The following MAML3 variants were observed in gnomAD, a reference collection of about 807,000 sequenced individuals.
MAML3 encodes mastermind-like protein 3.
In MAML3, 27 loss-of-function variants were observed where a neutral mutation model predicts 101.9. The observed-to-expected ratio is 0.27, with a 90% CI of 0.20 to 0.37. The LOEUF is 0.37. Among genes scored for constraint, MAML3 ranks in the 10% least tolerant of loss-of-function variants. The pLI is 1.00. For synonymous variants in MAML3, 501 were observed against 555.9 expected, an observed-to-expected ratio of 0.90 and a Z score of 1.39; for missense variants, 1,316 against 1,444.9, an observed-to-expected ratio of 0.91 and a Z score of 1.45.
chr4:139,936,578 T>C (rs1156754524), intron 1 of MAML3, among the ~76,000 whole-genome samples: 1 of 152,218 alleles, frequency 6.6e-6, no homozygotes, highest in Non-Finnish European at 1.5e-5. Flanking sequence ...ACACTTGTAG[T>C]TCCACCTACT....
chr4:139,982,192 T>C (rs921715932), intron 1 of MAML3, among the ~76,000 whole-genome samples: 1 of 152,252 alleles, frequency 6.6e-6, no homozygotes, highest in African/African-American at 2.4e-5. Context: ...TATAGATTCA[T>C]GGATGTTTAC....
Position 139,968,044 on chromosome 4 carries a change from C to T in MAML3, c.469-77077G>A, listed in dbSNP as rs557642025. Among the ~76,000 whole-genome samples the T allele has an allele frequency of 2.0e-5, 3 of 151,460 alleles. No homozygotes were observed. The East Asian group carries it at 5.8e-4, about 29-fold the overall frequency. The stretch of plus-strand genomic sequence containing the variant: ...CTGTAATCCCAGCACTTTGGGAGGC[C>T]AAGGCGGGTAGATTACCTGAGGTCA... On this transcript the variant is annotated intron_variant, in intron 1 of 4. Transcript: ENST00000509479.
At chr4:139,957,959 T>C (rs1029730475) in intron 1 of MAML3, among the ~76,000 whole-genome samples, 2 of 152,216 alleles carry the variant, frequency 1.3e-5, no homozygotes, top group Non-Finnish European at 1.5e-5. Context: ...TAAGTATATA[T>C]GTATAAATTA....
At chr4:140,054,136 G>A (rs1161832340) in intron 1 of MAML3, among the ~76,000 whole-genome samples, 1 of 152,094 alleles carries the variant, frequency 6.6e-6, no homozygotes, top group Non-Finnish European at 1.5e-5. Flanking sequence ...TTGGGAGGCC[G>A]GAACAGGCAG....
chr4:139,890,865 G>C lies in MAML3; in HGVS notation c.571C>G (p.Arg191Gly). ...CDGNFSPTSK[R>G]IRKDISAGME... ...CCCGCAGAAATGTCCTTTCGAATTC[G>C]TTTGCTAGTCGGAGAAAAATTCCCA... Residue 191 changes from arginine to glycine, a missense_variant, in exon 2 of 5, where the codon CGA becomes GGA. Transcript: ENST00000509479. The surrounding 1 kb of genome is among the most constrained non-coding windows in gnomAD (Gnocchi z 4.1). The C allele has an allele frequency of 6.2e-7, 1 of 1,613,866 alleles. No homozygotes were observed. The highest frequency in any genetic ancestry group is 8.5e-7 in the Non-Finnish European group (1 of 1,179,828).
intron 2 of MAML3, among the ~76,000 whole-genome samples, chr4:139,763,379 G>A (rs1472674733): frequency 1.3e-5 from 2 of 152,308 alleles, no homozygotes; most frequent in East Asian, 1.9e-4. Flanking sequence ...GCAGCTGCTC[G>A]GAGTCGGCTG....
At chr4:139,973,122 C>T (rs1288811095) in intron 1 of MAML3, among the ~76,000 whole-genome samples, 1 of 152,174 alleles carries the variant, frequency 6.6e-6, no homozygotes, top group Non-Finnish European at 1.5e-5. Flanking sequence ...ATAAATCAAG[C>T]TACTTGGCTC....
intron 1 of MAML3, among the ~76,000 whole-genome samples, chr4:139,903,713 A>G (rs1275919420): frequency 6.6e-6 from 1 of 152,238 alleles, no homozygotes; most frequent in Non-Finnish European, 1.5e-5. Context: ...TCTACCAGCA[A>G]AGGGGAGATG....
At chr4:140,124,241 G>A (rs895909575) in intron 1 of MAML3, among the ~76,000 whole-genome samples, 1 of 152,134 alleles carries the variant, frequency 6.6e-6, no homozygotes, top group African/African-American at 2.4e-5. Context: ...GCACACTGTC[G>A]TGTCTATGTT....
At chr4:139,778,119 G>A (rs1279154956) in intron 2 of MAML3, among the ~76,000 whole-genome samples, 1 of 152,222 alleles carries the variant, frequency 6.6e-6, no homozygotes, top group Non-Finnish European at 1.5e-5. Context: ...CAACTGACAC[G>A]CTGGGGTGAT....
At chr4:140,101,397 C>G (rs1728250167) in intron 1 of MAML3, among the ~76,000 whole-genome samples, 1 of 152,144 alleles carries the variant, frequency 6.6e-6, no homozygotes, top group African/African-American at 2.4e-5. Context: ...TCACCAGGCT[C>G]TTGGACAGTT....
At chr4:140,137,050 G>A (rs1448124464) in intron 1 of MAML3, among the ~76,000 whole-genome samples, 2 of 152,322 alleles carry the variant, frequency 1.3e-5, no homozygotes, top group African/African-American at 2.4e-5. Context: ...CTGCAGTGGC[G>A]CTATCTCGGC....
At chr4:139,903,033 G>C (rs1732757435) in intron 1 of MAML3, among the ~76,000 whole-genome samples, 1 of 152,196 alleles carries the variant, frequency 6.6e-6, no homozygotes, top group Non-Finnish European at 1.5e-5. Flanking sequence ...CCGATCCAAT[G>C]TTTTCATCTC....
chr4:139,796,143 T>TA (rs1257803268), intron 2 of MAML3, among the ~76,000 whole-genome samples: 4 of 152,234 alleles, frequency 2.6e-5, no homozygotes, highest in Non-Finnish European at 5.9e-5. Context: ...AAACAAAGGA[T>TA]AAGATCTGTC....
intron 1 of MAML3, among the ~76,000 whole-genome samples, chr4:139,996,449 G>A (rs1734815734): frequency 6.6e-6 from 1 of 151,976 alleles, no homozygotes; most frequent in Non-Finnish European, 1.5e-5. Flanking sequence ...TCTGTACTTA[G>A]TTTAATATAT....
intron 1 of MAML3, among the ~76,000 whole-genome samples, chr4:139,923,772 A>G (rs1405702072): frequency 6.6e-6 from 1 of 152,164 alleles, no homozygotes; most frequent in Non-Finnish European, 1.5e-5. Context: ...TTGATAACTC[A>G]TAGGGTCATA....
intron 2 of MAML3, among the ~76,000 whole-genome samples, chr4:139,736,139 C>CA (rs1728935928): frequency 6.6e-6 from 1 of 152,154 alleles, no homozygotes; most frequent in African/African-American, 2.4e-5. Flanking sequence ...CTCACTCACT[C>CA]ACTCTGAATT....
intron 2 of MAML3, among the ~76,000 whole-genome samples, chr4:139,755,830 T>C (rs974163439): frequency 6.6e-6 from 1 of 152,142 alleles, no homozygotes; most frequent in Non-Finnish European, 1.5e-5. Flanking sequence ...TGGATCAAGA[T>C]ATGGCAACAG....
chr4:139,766,081 C>T (rs1276778733), intron 2 of MAML3, among the ~76,000 whole-genome samples: 5 of 152,108 alleles, frequency 3.3e-5, no homozygotes, highest in African/African-American at 9.6e-5. Context: ...CTTCTTAGTT[C>T]CCCCTTTTCC....
Sources: gnomAD v4.1 joint callset for allele counts (sites outside exome capture counted in the v4.1 genomes callset) on GRCh38, gnomAD v4.1.1 for gene constraint, Gnocchi (gnomAD v3.1) non-coding constraint, MANE v1.5 for transcripts, NCBI Gene and HGNC (gene_info 2026-07-23, HGNC 2026-07-21) for gene names.